EXOC6B: variants seen among roughly 807,000 people sequenced by gnomAD.
EXOC6B encodes SEC15 homolog B.
Under a neutral mutation model 113.5 loss-of-function variants are expected in EXOC6B, and 54 were observed. The ratio of observed to expected loss-of-function variants is 0.48; its 90% CI spans 0.38 to 0.60. The LOEUF (loss-of-function observed/expected upper bound fraction) is 0.60, where lower values mean the gene tolerates loss of function less well. Ranked by LOEUF, EXOC6B falls within the 20% of genes least tolerant of loss-of-function variation. The pLI, the probability that EXOC6B is intolerant of heterozygous loss-of-function variation, is 0.00. For missense variants in EXOC6B, 797 were observed against 977.5 expected (o/e 0.82, Z 2.46); for synonymous variants, 357 against 339.0 (o/e 1.05, Z -0.58).
intron 6 of EXOC6B, among the ~76,000 whole-genome samples, chr2:72,630,752 C>T (rs764615890): frequency 6.6e-6 from 1 of 151,954 alleles, no homozygotes; most frequent in Non-Finnish European, 1.5e-5. Context: ...CAAAATAAAA[C>T]ATAAAAGAAC....
At chr2:72,436,635 T>C (rs1438861677) in intron 18 of EXOC6B, among the ~76,000 whole-genome samples, 1 of 152,116 alleles carries the variant, frequency 6.6e-6, no homozygotes, top group African/African-American at 2.4e-5. Flanking sequence ...TCTTCATGCT[T>C]TATTTCATTA....
At chr2:72,493,325 C>A (rs1258249950) in intron 15 of EXOC6B, among the ~76,000 whole-genome samples, 18 of 143,038 alleles carry the variant, frequency 1.3e-4, no homozygotes, top group African/African-American at 3.4e-4. Context: ...TTTCTCCCCC[C>A]CCCCCCCCCG....
At chr2:72,685,897 G>T (rs935953016) in intron 6 of EXOC6B, among the ~76,000 whole-genome samples, 19 of 152,312 alleles carry the variant, frequency 1.2e-4, no homozygotes, top group African/African-American at 4.6e-4. Flanking sequence ...GGCTTAAGAA[G>T]GAGAACAGAA....
At chr2:72,686,389 C>T (rs1677091248) in intron 6 of EXOC6B, among the ~76,000 whole-genome samples, 1 of 152,030 alleles carries the variant, frequency 6.6e-6, no homozygotes, top group African/African-American at 2.4e-5. Context: ...CAAACAGTAC[C>T]ATGGGGTAGA....
intron 11 of EXOC6B, among the ~76,000 whole-genome samples, chr2:72,506,091 A>T: frequency 6.6e-6 from 1 of 152,096 alleles, no homozygotes; most frequent in East Asian, 1.9e-4. Flanking sequence ...TTATGCATTT[A>T]CAAGTTCTTA....
intron 19 of EXOC6B, among the ~76,000 whole-genome samples, chr2:72,363,386 C>T (rs182210877): frequency 5.9e-5 from 9 of 151,986 alleles, no homozygotes; most frequent in East Asian, 5.8e-4. Flanking sequence ...ATAATCAAGC[C>T]GAGAATTAGA....
At chr2:72,310,552 G>A (rs1687124550) in intron 20 of EXOC6B, among the ~76,000 whole-genome samples, 4 of 151,842 alleles carry the variant, frequency 2.6e-5, no homozygotes, top group Admixed American at 2.6e-4. Context: ...CCAGTTTTAT[G>A]ATGTACAAAG....
chr2:72,580,116 C>T (rs1705125009), intron 6 of EXOC6B, among the ~76,000 whole-genome samples: 2 of 150,704 alleles, frequency 1.3e-5, no homozygotes, highest in Admixed American at 1.3e-4. Flanking sequence ...CCTATCTTGC[C>T]TCTGAAAAAG....
chr2:72,805,549 A>G (rs1396607947), intron 1 of EXOC6B, among the ~76,000 whole-genome samples: 2 of 152,208 alleles, frequency 1.3e-5, no homozygotes, highest in Non-Finnish European at 2.9e-5. Context: ...GCTATACAAC[A>G]TGATGTTTTG....
chr2:72,571,118 T>C (rs563606784), intron 7 of EXOC6B, among the ~76,000 whole-genome samples: 5 of 152,348 alleles, frequency 3.3e-5, no homozygotes, highest in East Asian at 3.9e-4. Context: ...GATCCATAAA[T>C]ACATTCTCAA....
At chr2:72,648,870 G>A (rs765201094) in intron 6 of EXOC6B, among the ~76,000 whole-genome samples, 2 of 152,192 alleles carry the variant, frequency 1.3e-5, no homozygotes, top group Non-Finnish European at 2.9e-5. Flanking sequence ...GAGGCCAGGT[G>A]TGCTGGCTCA....
At chr2:72,431,223 T>C (rs1695499516) in intron 18 of EXOC6B, among the ~76,000 whole-genome samples, 2 of 152,222 alleles carry the variant, frequency 1.3e-5, no homozygotes, top group South Asian at 4.1e-4. Context: ...TCTTACCTAA[T>C]ATAGAAACTC....
At chr2:72,184,308 T>C (rs900934062) in intron 20 of EXOC6B, 121 bp from the exon 21 acceptor site, 4 of 566,960 alleles carry the variant, frequency 7.1e-6, no homozygotes, top group East Asian at 2.9e-5. Context: ...AATTAAAATA[T>C]AATAAGAAAA....
Position 72,575,584 on chromosome 2 carries a change from T to G in EXOC6B, c.754A>C (p.Ile252Leu), listed in dbSNP as rs769875426. The G allele has an allele frequency of 1.2e-6, 2 of 1,611,012 alleles. No homozygotes were observed. The highest frequency in any genetic ancestry group is 1.7e-5 in the Admixed American group (1 of 59,466). The change falls in exon 7 of 22, where the codon ATA (isoleucine) becomes CTA (leucine). Residue 252 changes from isoleucine to leucine, a missense_variant. Ile to Leu is a conservative substitution (Grantham distance 5). Transcript: ENST00000272427. ...CTTTCTATCTCTGTATCAAAGATTATATATGCATCTTTCTTAGATTTCCTC... is the reference window on the plus strand; with the variant it reads ...CTTTCTATCTCTGTATCAAAGATTAGATATGCATCTTTCTTAGATTTCCTC... ...SKRKSKKDAYIIFDTEIESTS... is the reference protein window; with the variant it reads ...SKRKSKKDAYLIFDTEIESTS...
intron 1 of EXOC6B, among the ~76,000 whole-genome samples, chr2:72,764,186 T>C (rs1478801146): frequency 6.6e-6 from 1 of 152,072 alleles, no homozygotes; most frequent in Non-Finnish European, 1.5e-5. Context: ...TACCTCATGA[T>C]ACCATATCAT....
chr2:72,260,424 C>A (rs1683644007), intron 20 of EXOC6B, among the ~76,000 whole-genome samples: 1 of 152,164 alleles, frequency 6.6e-6, no homozygotes. Flanking sequence ...TGCGAGGCAA[C>A]AATTATGAGC....
chr2:72,490,428 TATG>T (rs1474692404), intron 16 of EXOC6B, among the ~76,000 whole-genome samples: 13 of 152,280 alleles, frequency 8.5e-5, no homozygotes, highest in African/African-American at 3.1e-4. Context: ...TGTTACCTAT[TATG>T]ATGATGATTC....
chr2:72,444,192 C>T (rs771883740), intron 18 of EXOC6B, among the ~76,000 whole-genome samples: 1 of 152,230 alleles, frequency 6.6e-6, no homozygotes, highest in Non-Finnish European at 1.5e-5. Context: ...TCCAGCAGGG[C>T]AGTCAAATCT....
chr2:72,248,579 A>C (rs1490983513), intron 20 of EXOC6B, among the ~76,000 whole-genome samples: 1 of 152,186 alleles, frequency 6.6e-6, no homozygotes, highest in Non-Finnish European at 1.5e-5. Context: ...TGGGAACATC[A>C]AAAGTTCATC....
Sources: allele counts gnomAD v4.1 joint callset (sites outside exome capture counted in the v4.1 genomes callset), GRCh38; gene constraint gnomAD v4.1.1; transcripts MANE v1.5; gene names NCBI Gene and HGNC (gene_info 2026-07-23, HGNC 2026-07-21).